Variants in GPC6 observed in about 807,000 individuals in gnomAD.
GPC6 encodes glypican 6.
GPC6 carries 14 observed loss-of-function variants against 55.2 expected under a neutral mutation model. That is an observed-to-expected ratio of 0.25 (90% confidence interval 0.17 to 0.40). GPC6 has a LOEUF of 0.40. Among genes scored for constraint, GPC6 ranks in the 10% least tolerant of loss-of-function variants. The pLI, the probability that GPC6 is intolerant of heterozygous loss-of-function variation, is 1.00. For missense variants in GPC6, 641 were observed against 708.5 expected, an observed-to-expected ratio of 0.90 and a Z score of 1.08; for synonymous variants, 278 against 259.6, an observed-to-expected ratio of 1.07 and a Z score of -0.68.
chr13:93,838,629 G>T (rs1195011925), intron 3 of GPC6, among the ~76,000 whole-genome samples: 2 of 152,130 alleles, frequency 1.3e-5, no homozygotes, highest in African/African-American at 4.8e-5. Flanking sequence ...AGAAAGATGG[G>T]CAGGGAGCTG....
At chr13:94,207,650 C>T (rs543102784) in intron 4 of GPC6, among the ~76,000 whole-genome samples, 5 of 152,016 alleles carry the variant, frequency 3.3e-5, no homozygotes, top group Non-Finnish European at 5.9e-5. Flanking sequence ...TTTTTTTCCC[C>T]CTTAGGTGAT....
intron 2 of GPC6, among the ~76,000 whole-genome samples, chr13:93,638,021 G>A (rs1378975444): frequency 4.0e-5 from 6 of 151,896 alleles, no homozygotes; most frequent in Non-Finnish European, 7.4e-5. Flanking sequence ...TAGAACTTTC[G>A]GAGTTCACAA....
chr13:93,269,602 A>G (rs1877438989), intron 1 of GPC6, among the ~76,000 whole-genome samples: 1 of 151,986 alleles, frequency 6.6e-6, no homozygotes, highest in Admixed American at 6.6e-5. Context: ...ATAACTTGCT[A>G]GAAGATCAAC....
intron 1 of GPC6, among the ~76,000 whole-genome samples, chr13:93,533,341 A>G (rs990769521): frequency 6.6e-6 from 1 of 152,214 alleles, no homozygotes; most frequent in East Asian, 1.9e-4. Flanking sequence ...AAAGTATTCT[A>G]AAGTATTTCA....
At chr13:93,744,642 C>T (rs1329931910) in intron 2 of GPC6, among the ~76,000 whole-genome samples, 1 of 140,342 alleles carries the variant, frequency 7.1e-6, no homozygotes, top group Middle Eastern at 4.2e-3. Context: ...AATTTTGTAA[C>T]ATAAATATAT....
At chr13:94,105,626 C>T (rs1485045783) in intron 4 of GPC6, among the ~76,000 whole-genome samples, 10 of 152,222 alleles carry the variant, frequency 6.6e-5, no homozygotes, top group Non-Finnish European at 1.2e-4. Context: ...GAAGTGAAAA[C>T]ATTAAATTCA....
Position 94,044,381 on chromosome 13 carries a change from A to G in GPC6, c.877+16487A>G, listed in dbSNP as rs936176811. Among the ~76,000 whole-genome samples, 4 of 151,804 alleles carry G rather than the reference A, an allele frequency of 2.6e-5. No homozygotes were observed. The East Asian group carries it at 7.8e-4, about 29-fold the overall frequency. Reference sequence around the variant, plus strand: ...GGGAGTTATTTCTATCCTACAGCTCAAGGTCATCGCCAAGGTCTGCTTGCA... The same window carrying G: ...GGGAGTTATTTCTATCCTACAGCTCGAGGTCATCGCCAAGGTCTGCTTGCA... On this transcript the variant is annotated intron_variant, in intron 4 of 8. Coordinates refer to ENST00000377047, the MANE Select transcript of GPC6 (RefSeq NM_005708.5).
chr13:93,380,419 G>T (rs1281430283), intron 1 of GPC6, among the ~76,000 whole-genome samples: 2 of 152,154 alleles, frequency 1.3e-5, no homozygotes, highest in Non-Finnish European at 2.9e-5. Flanking sequence ...AATTGGTAAG[G>T]TCATATAAAT....
At chr13:93,476,543 T>G (rs1026304577) in intron 1 of GPC6, among the ~76,000 whole-genome samples, 1 of 152,170 alleles carries the variant, frequency 6.6e-6, no homozygotes, top group Admixed American at 6.5e-5. Context: ...TATCCATAAG[T>G]TTTTGCTACA....
At chr13:93,834,788 C>CA (rs1887671163) in intron 3 of GPC6, among the ~76,000 whole-genome samples, 1 of 152,088 alleles carries the variant, frequency 6.6e-6, no homozygotes. Context: ...AGTCAGTTTC[C>CA]ATGTTCCATA....
chr13:94,307,405 C>A (rs1876003360), intron 6 of GPC6, among the ~76,000 whole-genome samples: 2 of 152,106 alleles, frequency 1.3e-5, no homozygotes, highest in African/African-American at 4.8e-5. Context: ...CAAACTTGAC[C>A]TGCTGGGCTC....
chr13:93,480,809 T>C (rs7982827), intron 1 of GPC6, among the ~76,000 whole-genome samples: 22,185 of 152,216 alleles, frequency 0.15, 1,843 homozygotes, highest in Non-Finnish European at 0.19. Context: ...AATTTTCTAT[T>C]GTGTGAACAT....
chr13:94,384,890 C>T (rs1336717464), intron 7 of GPC6, among the ~76,000 whole-genome samples: 3 of 152,182 alleles, frequency 2.0e-5, no homozygotes, highest in Non-Finnish European at 2.9e-5. Context: ...AGTGGTTCTA[C>T]AGCATTCATT....
At chr13:93,489,181 CT>C (rs1446879722) in intron 1 of GPC6, among the ~76,000 whole-genome samples, 1 of 151,522 alleles carries the variant, frequency 6.6e-6, no homozygotes, top group Non-Finnish European at 1.5e-5. Context: ...TTTCAGCTTT[CT>C]ACATATGGCT....
At chr13:93,597,005 G>T (rs9589789) in intron 2 of GPC6, among the ~76,000 whole-genome samples, 1,248 of 109,914 alleles carry the variant, frequency 0.011, 19 homozygotes, top group African/African-American at 0.058. Flanking sequence ...GTTCAAATCT[G>T]GCAAAAAAAA....
At chr13:93,826,819 C>G (rs1167392904) in intron 2 of GPC6, among the ~76,000 whole-genome samples, 1 of 152,120 alleles carries the variant, frequency 6.6e-6, no homozygotes, top group Admixed American at 6.5e-5. Flanking sequence ...GTTTCTGCCC[C>G]TTAAGAGGTC....
In GPC6 at chr13:93,974,466, A is replaced by G. The variant is rs115691254; in HGVS notation, c.712-53263A>G. On this transcript the variant is annotated intron_variant, in intron 3 of 8. Transcript: ENST00000377047. Reference sequence around the variant, plus strand: ...TCCAGAATGTATTCACTTAGTATCTATAGTTACACATTCTAATGTCAATGA... The same window carrying G: ...TCCAGAATGTATTCACTTAGTATCTGTAGTTACACATTCTAATGTCAATGA... 8.2e-3 allele frequency among the ~76,000 whole-genome samples: 1,256 copies of G among 152,302 alleles called. 17 individuals carry two copies. The highest frequency in any genetic ancestry group is 0.029 in the African/African-American group (1,196 of 41,574).
At chr13:94,133,094 A>G (rs151275593) in intron 4 of GPC6, among the ~76,000 whole-genome samples, 278 of 152,206 alleles carry the variant, frequency 1.8e-3, no homozygotes, top group Middle Eastern at 6.8e-3. Flanking sequence ...GAAGAAGAGC[A>G]GTCTTTTCTG....
At chr13:93,732,673 A>G (rs1419694921) in intron 2 of GPC6, among the ~76,000 whole-genome samples, 4 of 152,136 alleles carry the variant, frequency 2.6e-5, no homozygotes, top group Non-Finnish European at 1.5e-5. Flanking sequence ...ATTTTAAGAA[A>G]TTGCTCTCTT....
Sources: gnomAD v4.1 joint callset for allele counts (sites outside exome capture counted in the v4.1 genomes callset) on GRCh38, gnomAD v4.1.1 for gene constraint, MANE v1.5 for transcripts, NCBI Gene and HGNC (gene_info 2026-07-23, HGNC 2026-07-21) for gene names.